The following NUP107 variants were observed in gnomAD, a reference collection of about 807,000 sequenced individuals.
NUP107 encodes the protein nuclear pore complex protein Nup107.
NUP107 carries 101 observed loss-of-function variants against 141.0 expected under a neutral mutation model. The ratio of observed to expected loss-of-function variants is 0.72; its 90% CI spans 0.61 to 0.84. The LOEUF (loss-of-function observed/expected upper bound fraction) is 0.84. Among genes scored for constraint, NUP107 ranks in the 40% least tolerant of loss-of-function variants. The probability of loss-of-function intolerance (pLI) is 0.00; values close to 1 mark genes in which losing one functional copy is unlikely to be tolerated. For synonymous variants in NUP107, 319 were observed against 363.9 expected (o/e 0.88, Z 1.41); for missense variants, 941 against 1,102.7 (o/e 0.85, Z 2.08).
At chr12:68,705,651 C>T in intron 8 of NUP107, 1 of 586,100 alleles carries the variant, frequency 1.7e-6, no homozygotes, top group South Asian at 1.5e-5. Flanking sequence ...TCAGAGTGAC[C>T]CAGAAGTCCT....
chr12:68,691,319 A>G (rs1875774721), intron 4 of NUP107, among the ~76,000 whole-genome samples: 1 of 152,228 alleles, frequency 6.6e-6, no homozygotes, highest in Non-Finnish European at 1.5e-5. Flanking sequence ...TGATGGCTAT[A>G]AAATCTGATC....
At chr12:68,704,224 T>C (rs1045331826) in intron 8 of NUP107, among the ~76,000 whole-genome samples, 20 of 152,166 alleles carry the variant, frequency 1.3e-4, no homozygotes, top group Non-Finnish European at 2.5e-4. Context: ...GAAAGGACCT[T>C]GGGTGGTAAA....
chr12:68,705,745 T>A, intron 8 of NUP107: 2 of 704,756 alleles, frequency 2.8e-6, no homozygotes, highest in Admixed American at 3.8e-5. Context: ...CTCCTCGAGC[T>A]TCTCCCGAAT....
At chr12:68,705,016 A>G (rs1379986168) in intron 8 of NUP107, among the ~76,000 whole-genome samples, 1 of 152,042 alleles carries the variant, frequency 6.6e-6, no homozygotes, top group Admixed American at 6.6e-5. Context: ...CCAAGTAGCG[A>G]GGACTACAGG....
chr12:68,720,813 A>G (rs1877319014), intron 14 of NUP107, among the ~76,000 whole-genome samples: 1 of 152,206 alleles, frequency 6.6e-6, no homozygotes, highest in Non-Finnish European at 1.5e-5. Flanking sequence ...GTAAATAACT[A>G]TATAGATTGT....
At position 68,692,110 on chromosome 12, in the gene NUP107, C is replaced by A. The variant is rs748230567; in HGVS notation, c.446C>A (p.Ala149Asp). The change falls in exon 5 of 28, where the codon GCT becomes GAT. Residue 149 changes from alanine to aspartate, a missense_variant and splice_region_variant. By Grantham distance (126) the Ala-to-Asp change is moderately radical. Transcript: ENST00000229179. Reference protein sequence around the residue: ...VMLREDDPGEAASMSMFSDFL... With the variant: ...VMLREDDPGEDASMSMFSDFL... The stretch of plus-strand genomic sequence containing the variant: ...TTACGTGAGGATGATCCTGGAGAAG[C>A]TGGTAAAATGGCATTGAGCTTTGTG... 1 of 1,582,840 alleles carries A rather than the reference C, an allele frequency of 6.3e-7. No individual in the cohort carries two copies. The highest frequency in any genetic ancestry group is 1.2e-5 in the South Asian group (1 of 84,978).
chr12:68,713,792 C>T lies in NUP107; in HGVS notation c.953C>T (p.Pro318Leu), dbSNP rs751177461. ...ACTTCTTACGTTGGAAGTGTTCGTC[C>T]GCTTGTCACTGAATTGGTAAATGTT... is the stretch of plus-strand genomic sequence containing the variant. The part of the protein sequence containing the change: ...QLTSYVGSVR[P>L]LVTELDPDAP... Residue 318 changes from proline (P) to leucine (L), a missense_variant, in exon 11 of 28, where the codon CCG becomes CTG. Transcript: ENST00000229179. The T allele has an allele frequency of 2.1e-5, 33 of 1,609,078 alleles. 1 individual carries two copies. The East Asian group carries it at 2.5e-4, about 12-fold the overall frequency.
intron 9 of NUP107, among the ~76,000 whole-genome samples, chr12:68,709,715 G>A (rs189269679): frequency 2.4e-4 from 36 of 151,660 alleles, no homozygotes; most frequent in Admixed American, 5.9e-4. Flanking sequence ...GTGAAACCCC[G>A]TCTCTACTAA....
chr12:68,737,560 C>CAAAAAAAAAAA (rs757208798), intron 26 of NUP107, among the ~76,000 whole-genome samples: 1 of 72,070 alleles, frequency 1.4e-5, no homozygotes. Flanking sequence ...GACCCTGTCT[C>CAAAAAAAAAAA]AAAAAAAAAA....
Position 68,710,079 on chromosome 12 carries a change from A to G in NUP107, c.876A>G (p.Ala292=). The change falls in exon 10 of 28, where the codon GCA becomes GCG. Residue 292 remains alanine (A), a synonymous_variant. Transcript: ENST00000229179. ...TTTCTGATAATATTGAGTTTTATGCAAAATCAGTATATTGGTAAGTTACCA... is the reference window on the plus strand; with the variant it reads ...TTTCTGATAATATTGAGTTTTATGCGAAATCAGTATATTGGTAAGTTACCA... The part of the protein sequence containing the change: ...GEFSDNIEFY[A]KSVYWENTLH... The G allele has an allele frequency of 6.5e-7, 1 of 1,547,976 alleles. No homozygotes were observed. Among genetic ancestry groups the G allele is most frequent in the Admixed American group, 1.7e-5 (1 of 59,768 alleles).
intron 18 of NUP107, 45 bp downstream of exon 18, chr12:68,725,841 T>G (rs756945909): frequency 3.5e-5 from 37 of 1,042,608 alleles, no homozygotes; most frequent in South Asian, 1.0e-4. Context: ...GTGTGTGTTT[T>G]TTTTTTTTTT....
At position 68,719,336 on chromosome 12, in the gene NUP107, C is replaced by A. The variant is rs1877251756; in HGVS notation, c.1084-5C>A. On this transcript the variant is annotated splice_region_variant and splice_polypyrimidine_tract_variant and intron_variant, in intron 12 of 27. Coordinates refer to ENST00000229179, the MANE Select transcript of NUP107 (RefSeq NM_020401.4). ...TGGACTGACTGCTCTTTCTTGTTTT[C>A]TAAGGCACAACGACTCTGTAAACGC... 6.2e-7 allele frequency: 1 copy of A among 1,612,886 alleles called. No homozygotes were observed. Among genetic ancestry groups the A allele is most frequent in the Non-Finnish European group, 8.5e-7 (1 of 1,179,330 alleles).
intron 8 of NUP107, among the ~76,000 whole-genome samples, chr12:68,704,915 C>T (rs1411726452): frequency 6.6e-6 from 1 of 151,570 alleles, no homozygotes; most frequent in East Asian, 1.9e-4. Flanking sequence ...CATGGTCTCA[C>T]TTTGTCTCAC....
Position 68,726,611 on chromosome 12 carries a change from G to T in NUP107, c.1689G>T (p.Gln563His). ...LILFFRTLGLQTKEEVSIEVL... is the reference protein window; with the variant it reads ...LILFFRTLGLHTKEEVSIEVL... The stretch of plus-strand genomic sequence containing the variant: ...TGTTTTTCCGTACTCTGGGACTACA[G>T]ACCAAGGTATATAAAAATGAACGAT... Residue 563 changes from glutamine (Q) to histidine (H), a missense_variant, in exon 19 of 28, where the codon CAG becomes CAT. By Grantham distance (24) the Gln-to-His change is conservative. Transcript: ENST00000229179. 6.3e-7 allele frequency: 1 copy of T among 1,588,078 alleles called. No individual in the cohort carries two copies. Among genetic ancestry groups the T allele is most frequent in the South Asian group, 1.1e-5 (1 of 90,446 alleles).
At chr12:68,732,582 C>CT in intron 22 of NUP107, 55 bp from the exon 23 acceptor site, 1 of 1,088,492 alleles carries the variant, frequency 9.2e-7, no homozygotes. Flanking sequence ...TGTAGAATAT[C>CT]TTTAAAAAAA....
chr12:68,712,705 C>CT (rs771599751), intron 10 of NUP107, among the ~76,000 whole-genome samples: 10 of 148,980 alleles, frequency 6.7e-5, no homozygotes, highest in African/African-American at 2.0e-4. Context: ...AGTTAATCTC[C>CT]TTTTTTTTGC....
intron 26 of NUP107, among the ~76,000 whole-genome samples, chr12:68,741,356 T>C (rs1466545398): frequency 1.3e-5 from 2 of 152,156 alleles, no homozygotes; most frequent in Non-Finnish European, 2.9e-5. Flanking sequence ...ATAAATTCCA[T>C]TTTCCATGTG....
In NUP107 at chr12:68,727,266, T is replaced by G. The variant is rs1018893885; in HGVS notation, c.1696-85T>G. ...GTGGTAAACATTACAATTATTAAAT[T>G]ATTTAATAATGGAATTTGTATCAAA... On this transcript the variant is annotated intron_variant, in intron 19 of 27. Coordinates refer to ENST00000229179, the MANE Select transcript of NUP107 (RefSeq NM_020401.4). The G allele has an allele frequency of 1.0e-5, 7 of 686,420 alleles. No homozygotes were observed. In the East Asian group the frequency reaches 1.9e-4, roughly 18 times the overall value. The allele number at this position is 686,420 out of a possible 1,614,324, so 42.5% of individuals were successfully genotyped here.
At chr12:68,692,256 G>T in intron 5 of NUP107, 144 bp downstream of exon 5, 1 of 833,792 alleles carries the variant, frequency 1.2e-6, no homozygotes, top group East Asian at 2.9e-5. Context: ...TTAAACAACA[G>T]ATTTTTGTGT....
Sources: allele counts gnomAD v4.1 joint callset (sites outside exome capture counted in the v4.1 genomes callset), GRCh38; gene constraint gnomAD v4.1.1; transcripts MANE v1.5; gene names NCBI Gene and HGNC (gene_info 2026-07-23, HGNC 2026-07-21).